The following MTA3 variants were observed in gnomAD, a reference collection of about 807,000 sequenced individuals.
The protein encoded by MTA3 is metastasis-associated protein MTA3.
MTA3 carries 34 observed loss-of-function variants against 83.5 expected under a neutral mutation model. The observed-to-expected ratio is 0.41, with a 90% CI of 0.31 to 0.54. The LOEUF is 0.54. MTA3 is among the 20% of genes least tolerant of loss of function. MTA3 has a pLI of 0.33. For missense variants in MTA3, 761 were observed against 726.4 expected, an observed-to-expected ratio of 1.05 and a Z score of -0.55; for synonymous variants, 303 against 252.7, an observed-to-expected ratio of 1.20 and a Z score of -1.89.
At chr2:42,606,681 G>A (rs1212850493) in intron 3 of MTA3, among the ~76,000 whole-genome samples, 4 of 151,488 alleles carry the variant, frequency 2.6e-5, no homozygotes, top group Non-Finnish European at 5.9e-5. Context: ...ACGGGGTGGC[G>A]GCTGGGCAGA....
At chr2:42,714,960 C>T (rs1022650865) in intron 14 of MTA3, among the ~76,000 whole-genome samples, 2 of 152,202 alleles carry the variant, frequency 1.3e-5, no homozygotes, top group Non-Finnish European at 2.9e-5. Context: ...TGGTCTGAGG[C>T]CTGGGGCTTG....
intron 2 of MTA3, among the ~76,000 whole-genome samples, chr2:42,574,863 A>G (rs1678876260): frequency 6.6e-6 from 1 of 152,218 alleles, no homozygotes; most frequent in Admixed American, 6.5e-5. Flanking sequence ...TTAAAAAAAA[A>G]TTATTTAGTC....
chr2:42,575,834 G>A (rs551004058), intron 2 of MTA3, among the ~76,000 whole-genome samples: 1 of 152,168 alleles, frequency 6.6e-6, no homozygotes, highest in South Asian at 2.1e-4. Context: ...ATCATTTCAT[G>A]GCCATTCATT....
chr2:42,529,649 G>A (rs774440646), intron 2 of MTA3, among the ~76,000 whole-genome samples: 9 of 152,176 alleles, frequency 5.9e-5, no homozygotes. Context: ...TTGGCATTTG[G>A]GTAGCAGCGG....
chr2:42,639,682 T>C (rs930289889), intron 4 of MTA3, among the ~76,000 whole-genome samples: 2 of 152,224 alleles, frequency 1.3e-5, no homozygotes, highest in Non-Finnish European at 2.9e-5. Context: ...GAATTAGTTA[T>C]ATCCTGATAT....
chr2:42,539,857 G>A (rs931263765), intron 2 of MTA3, among the ~76,000 whole-genome samples: 1 of 152,094 alleles, frequency 6.6e-6, no homozygotes, highest in Non-Finnish European at 1.5e-5. Flanking sequence ...ATAGGCATGA[G>A]CCACCACTCC....
chr2:42,654,825 A>G (rs1689015881), intron 6 of MTA3, among the ~76,000 whole-genome samples: 1 of 152,130 alleles, frequency 6.6e-6, no homozygotes, highest in Non-Finnish European at 1.5e-5. Context: ...TGTGTTGCCC[A>G]GGTTGGTCTT....
intron 4 of MTA3, among the ~76,000 whole-genome samples, chr2:42,615,482 A>C (rs183878074): frequency 6.6e-6 from 1 of 151,486 alleles, no homozygotes; most frequent in Non-Finnish European, 1.5e-5. Context: ...CTGCCTCCCT[A>C]ATAGCTGGGA....
rs1670172688 is a variant in MTA3 at position 42,755,370 on chromosome 2, A to G, written c.*1971A>G. The G allele has an allele frequency of 1.0e-6, 1 of 985,452 alleles. No homozygotes were observed. The highest frequency in any genetic ancestry group is 1.2e-6 in the Non-Finnish European group (1 of 829,960). 61.0% of individuals were successfully genotyped at this position (985,452 alleles called of 1,614,324 possible). On this transcript the variant is annotated 3_prime_UTR_variant, in exon 17 of 17. Transcript: ENST00000405094. ...CCTTTTGGGAGAGGCCCTCTCACCC[A>G]GGCCCAAGAGATTTGGAGACAGGAG...
In MTA3 at chr2:42,671,071, C is replaced by T. The variant is rs151118421; in HGVS notation, c.702+11209C>T. On this transcript the variant is annotated intron_variant, in intron 8 of 16. Transcript: ENST00000405094. ...CTTCATAGTCTCTTTCATTCCTGAACGATTCGTTAGTCTTTCTTTGTGTTT... is the reference window on the plus strand; with the variant it reads ...CTTCATAGTCTCTTTCATTCCTGAATGATTCGTTAGTCTTTCTTTGTGTTT... Among the ~76,000 whole-genome samples, 343 of 152,062 alleles carry T rather than the reference C, an allele frequency of 2.3e-3. 2 individuals carry two copies. The highest frequency in any genetic ancestry group is 8.5e-3 in the East Asian group (44 of 5,176).
chr2:42,675,725 T>G (rs1691288525), intron 8 of MTA3, among the ~76,000 whole-genome samples: 1 of 152,244 alleles, frequency 6.6e-6, no homozygotes, highest in African/African-American at 2.4e-5. Flanking sequence ...TCGTTGGTCC[T>G]GTGTTATGTT....
intron 10 of MTA3, among the ~76,000 whole-genome samples, chr2:42,696,464 C>T (rs535744697): frequency 6.6e-6 from 1 of 152,106 alleles, no homozygotes; most frequent in Admixed American, 6.5e-5. Flanking sequence ...TGACATCGGT[C>T]AATACTTGTG....
chr2:42,603,433 C>T (rs1260766475), intron 3 of MTA3, among the ~76,000 whole-genome samples: 1 of 152,048 alleles, frequency 6.6e-6, no homozygotes, highest in African/African-American at 2.4e-5. Context: ...ATATAAAATT[C>T]CATATGGACT....
At chr2:42,506,317 G>C (rs944132259) in intron 2 of MTA3, among the ~76,000 whole-genome samples, 1 of 151,738 alleles carries the variant, frequency 6.6e-6, no homozygotes, top group African/African-American at 2.4e-5. Context: ...TGCATGTGGT[G>C]GTACTCTATG....
At chr2:42,566,964 G>T (rs1316453602), upstream of MTA3, among the ~76,000 whole-genome samples, 2 of 152,188 alleles carry the variant, frequency 1.3e-5, no homozygotes, top group African/African-American at 4.8e-5. Context: ...GCTCAGAAAT[G>T]GAGTGATGTC....
At chr2:42,657,956 C>T (rs961269771) in intron 7 of MTA3, among the ~76,000 whole-genome samples, 4 of 151,028 alleles carry the variant, frequency 2.6e-5, no homozygotes, top group African/African-American at 9.7e-5. Context: ...CCTGTAATCC[C>T]AGCTACTTGG....
chr2:42,574,296 G>A (rs916329131), intron 2 of MTA3, among the ~76,000 whole-genome samples: 6 of 149,904 alleles, frequency 4.0e-5, no homozygotes, highest in African/African-American at 9.8e-5. Flanking sequence ...CACCATGCCC[G>A]GCTAATTTTT....
chr2:42,526,283 T>G (rs1675705290), intron 2 of MTA3, among the ~76,000 whole-genome samples: 1 of 152,288 alleles, frequency 6.6e-6, no homozygotes, highest in African/African-American at 2.4e-5. Flanking sequence ...CAAGCTGGTC[T>G]CAAACTCCTG....
At chr2:42,651,756 C>T (rs1333343628) in intron 6 of MTA3, among the ~76,000 whole-genome samples, 1 of 148,048 alleles carries the variant, frequency 6.8e-6, no homozygotes, top group Non-Finnish European at 1.5e-5. Flanking sequence ...TGTGGTTGTC[C>T]GCCACTGTAC....
Sources: gnomAD v4.1 joint callset for allele counts (sites outside exome capture counted in the v4.1 genomes callset) on GRCh38, gnomAD v4.1.1 for gene constraint, MANE v1.5 for transcripts, NCBI Gene and HGNC (gene_info 2026-07-23, HGNC 2026-07-21) for gene names.